IL3RA: variants seen among roughly 807,000 people sequenced by gnomAD.
IL3RA encodes interleukin-3 receptor subunit alpha.
A neutral mutation model predicts 52.3 loss-of-function variants in IL3RA; 73 were observed. The ratio of observed to expected loss-of-function variants is 1.40; its 90% CI spans 1.16 to 1.70. The LOEUF is 1.70. IL3RA is among the 40% of genes most tolerant of loss of function. The pLI is 0.00. For synonymous variants in IL3RA, 260 were observed against 194.0 expected (o/e 1.34, Z -2.83); for missense variants, 664 against 504.4 (o/e 1.32, Z -3.03).
At chrX:1,344,197 G>A (rs1437907069) in intron 2 of IL3RA, among the ~76,000 whole-genome samples, 1 of 152,090 alleles carries the variant, frequency 6.6e-6, no homozygotes, top group Non-Finnish European at 1.5e-5. Context: ...ACTTTGGGAG[G>A]CTGAGGCAGG....
In IL3RA at chrX:1,345,327, C is replaced by G. The variant is rs1402087430; in HGVS notation, c.76C>G (p.Pro26Ala). Residue 26 changes from proline (P) to alanine (A), a missense_variant, in exon 3 of 12, where the codon CCA becomes GCA. Transcript: ENST00000331035. The stretch of plus-strand genomic sequence containing the variant: ...TGTCACCGTTTTAGATCCAAACCCA[C>G]CAATCACGAACCTAAGGATGAAAGC... ...LLQTKEDPNP[P>A]ITNLRMKAKA... The G allele has an allele frequency of 2.5e-6, 4 of 1,609,184 alleles. No individual in the cohort carries two copies. Among genetic ancestry groups the G allele is most frequent in the East Asian group, 2.2e-5 (1 of 44,862 alleles).
chrX:1,355,995 G>A (rs1477488125), intron 6 of IL3RA, among the ~76,000 whole-genome samples: 1 of 152,010 alleles, frequency 6.6e-6, no homozygotes, highest in Non-Finnish European at 1.5e-5. Flanking sequence ...GGGCTCCGAG[G>A]GTGCAACCCC....
chrX:1,354,048 A>T (rs1478385259), intron 6 of IL3RA, among the ~76,000 whole-genome samples: 1 of 138,398 alleles, frequency 7.2e-6, no homozygotes, highest in Non-Finnish European at 1.5e-5. Context: ...ATCATGGGCC[A>T]TGGGTCCCAC....
At chrX:1,346,529 C>G (rs1262519536) in intron 3 of IL3RA, among the ~76,000 whole-genome samples, 1 of 151,878 alleles carries the variant, frequency 6.6e-6, no homozygotes, top group Non-Finnish European at 1.5e-5. Flanking sequence ...ATTGCTTGAA[C>G]CTGGGAGGCC....
chrX:1,344,727 CGTG>C (rs2085653527), intron 2 of IL3RA, among the ~76,000 whole-genome samples: 1 of 151,230 alleles, frequency 6.6e-6, no homozygotes, highest in African/African-American at 2.4e-5. Context: ...GAGCTGAGAT[CGTG>C]CCACTGCACT....
At chrX:1,346,850 C>T (rs750369870) in intron 3 of IL3RA, among the ~76,000 whole-genome samples, 2 of 151,282 alleles carry the variant, frequency 1.3e-5, no homozygotes, top group East Asian at 1.9e-4. Context: ...GAGCTATGTT[C>T]GTTCAATACA....
chrX:1,344,730 G>A lies in IL3RA; in HGVS notation c.65-586G>A, dbSNP rs1487206309. Among the ~76,000 whole-genome samples, 46 of 151,740 alleles carry A rather than the reference G, an allele frequency of 3.0e-4. No individual in the cohort carries two copies. The South Asian group carries it at 3.1e-3, about 10-fold the overall frequency. On this transcript the variant is annotated intron_variant, in intron 2 of 11. Coordinates refer to ENST00000331035, the MANE Select transcript of IL3RA (RefSeq NM_002183.4). ...AGAGGTTGCGGTGAGCTGAGATCGTGCCACTGCACTCCAGCCTGGGTGACA... is the reference window on the plus strand; with the variant it reads ...AGAGGTTGCGGTGAGCTGAGATCGTACCACTGCACTCCAGCCTGGGTGACA...
At chrX:1,351,827 A>G (rs1462879715) in intron 4 of IL3RA, among the ~76,000 whole-genome samples, 1 of 149,816 alleles carries the variant, frequency 6.7e-6, no homozygotes, top group Non-Finnish European at 1.5e-5. Context: ...ACTGGGTTTC[A>G]CCATGTTAGC....
At chrX:1,354,238 C>T (rs1487256793) in intron 6 of IL3RA, among the ~76,000 whole-genome samples, 1 of 152,156 alleles carries the variant, frequency 6.6e-6, no homozygotes, top group Middle Eastern at 3.2e-3. Context: ...CCCAAAGACC[C>T]CACCTTCTAA....
chrX:1,361,577 T>C (rs1299814806), intron 8 of IL3RA, among the ~76,000 whole-genome samples: 1 of 151,680 alleles, frequency 6.6e-6, no homozygotes, highest in African/African-American at 2.4e-5. Context: ...TGGTGAAACC[T>C]AGCTCTACTA....
chrX:1,348,310 G>A (rs757337833), intron 3 of IL3RA, 121 bp from the exon 4 acceptor site: 326 of 768,074 alleles, frequency 4.2e-4, no homozygotes, highest in Admixed American at 1.1e-3. Context: ...CCGAGATCAC[G>A]CCACTGCACT....
intron 8 of IL3RA, 75 bp downstream of exon 8, chrX:1,358,962 G>C: frequency 9.6e-7 from 1 of 1,037,520 alleles, no homozygotes; most frequent in East Asian, 3.1e-5. Context: ...AGAATAAAAT[G>C]ATAAAAAATA....
intron 8 of IL3RA, among the ~76,000 whole-genome samples, chrX:1,363,276 C>A (rs1309017520): frequency 2.7e-5 from 4 of 149,950 alleles, no homozygotes; most frequent in African/African-American, 9.8e-5. Context: ...TCTTTTGTAC[C>A]CATCAAATAT....
intron 3 of IL3RA, among the ~76,000 whole-genome samples, chrX:1,348,034 C>G (rs1258697944): frequency 4.9e-5 from 4 of 81,146 alleles, no homozygotes; most frequent in South Asian, 4.0e-4. Context: ...GAGACTCCCT[C>G]TCAAAAAAAA....
At position 1,347,518 on chromosome X, in the gene IL3RA, G is replaced by C. The variant is rs759478987; in HGVS notation, c.184-913G>C. Among the ~76,000 whole-genome samples the C allele has an allele frequency of 2.6e-5, 4 of 151,786 alleles. No individual in the cohort carries two copies. The South Asian group carries it at 6.2e-4, about 24-fold the overall frequency. ...TAATGAAATGTGGCCGGGTGCGGTG[G>C]TGAGGCAGGAGAATTGCTTGAACCC... On this transcript the variant is annotated intron_variant, in intron 3 of 11. Transcript: ENST00000331035.
At chrX:1,349,187 C>CTT (rs763387173) in intron 4 of IL3RA, among the ~76,000 whole-genome samples, 98 of 139,766 alleles carry the variant, frequency 7.0e-4, no homozygotes, top group Admixed American at 1.2e-3. Context: ...TTTTAAACAC[C>CTT]TTTTTTTTTT....
At chrX:1,365,557 G>A (rs2087921759) in intron 9 of IL3RA, among the ~76,000 whole-genome samples, 1 of 48,158 alleles carries the variant, frequency 2.1e-5, no homozygotes, top group Non-Finnish European at 3.4e-5. Flanking sequence ...GGGGTGAGCC[G>A]GGTGCGCGGG....
chrX:1,350,917 A>G (rs1603443771), intron 4 of IL3RA, among the ~76,000 whole-genome samples: 1 of 151,096 alleles, frequency 6.6e-6, no homozygotes, highest in Non-Finnish European at 1.5e-5. Flanking sequence ...ACACACACGC[A>G]CACACACACA....
intron 9 of IL3RA, among the ~76,000 whole-genome samples, chrX:1,366,749 C>G (rs868573320): frequency 8.3e-3 from 4 of 480 alleles, no homozygotes; most frequent in African/African-American, 0.056. Context: ...GGGTGCGCGG[C>G]GTGAGCCGGG....
Sources: allele counts gnomAD v4.1 joint callset (sites outside exome capture counted in the v4.1 genomes callset), GRCh38; gene constraint gnomAD v4.1.1; transcripts MANE v1.5; gene names NCBI Gene and HGNC (gene_info 2026-07-23, HGNC 2026-07-21).